The following FBXL4 variants were observed in gnomAD, a reference collection of about 807,000 sequenced individuals.
FBXL4 encodes F-box and leucine rich repeat protein 4.
In FBXL4, 40 loss-of-function variants were observed where a neutral mutation model predicts 58.9. The ratio of observed to expected loss-of-function variants is 0.68; its 90% CI spans 0.53 to 0.88. The LOEUF (loss-of-function observed/expected upper bound fraction) is 0.88, where lower values mean the gene tolerates loss of function less well. Among genes scored for constraint, FBXL4 ranks in the 40% least tolerant of loss-of-function variants. The pLI, the probability that FBXL4 is intolerant of heterozygous loss-of-function variation, is 0.00. For synonymous variants in FBXL4, 263 were observed against 265.5 expected, an observed-to-expected ratio of 0.99 and a Z score of 0.09; for missense variants, 676 against 734.4, an observed-to-expected ratio of 0.92 and a Z score of 0.92.
At chr6:98,909,059 C>T (rs13203526) in intron 5 of FBXL4, among the ~76,000 whole-genome samples, 7,530 of 152,204 alleles carry the variant, frequency 0.049, 257 homozygotes, top group Middle Eastern at 0.12. Context: ...TCATTGAATA[C>T]ACTGATTAAG....
chr6:98,916,355 GAC>G (rs1366472672), intron 5 of FBXL4, among the ~76,000 whole-genome samples: 2 of 152,178 alleles, frequency 1.3e-5, no homozygotes, highest in Non-Finnish European at 2.9e-5. Flanking sequence ...CTGCTAGAAA[GAC>G]ACATGCACAC....
At chr6:98,916,528 G>A (rs1326112715) in intron 5 of FBXL4, among the ~76,000 whole-genome samples, 1 of 152,032 alleles carries the variant, frequency 6.6e-6, no homozygotes, top group Non-Finnish European at 1.5e-5. Flanking sequence ...GGACATGGAT[G>A]AAATTGGAAA....
At chr6:98,937,549 G>A (rs185835796) in intron 1 of FBXL4, among the ~76,000 whole-genome samples, 69 of 152,242 alleles carry the variant, frequency 4.5e-4, no homozygotes, top group Non-Finnish European at 6.8e-4. Flanking sequence ...TGATCTTCAT[G>A]TTGAGTAGGC....
In FBXL4 at chr6:98,872,746, A is replaced by G. The variant is rs1770526559; in HGVS notation, c.*1532T>C. ...AGCCAGAAGCTACCCTGAACACCTA[A>G]AAGCACAGGTTTAATGCAATGCTTC... On this transcript the variant is annotated 3_prime_UTR_variant, in exon 10 of 10. Coordinates refer to ENST00000369244, the MANE Select transcript of FBXL4 (RefSeq NM_001278716.2). 6.6e-6 allele frequency: 1 copy of G among 152,184 alleles called. No individual in the cohort carries two copies. Among genetic ancestry groups the G allele is most frequent in the Non-Finnish European group, 1.5e-5 (1 of 68,036 alleles). 9.4% of individuals were successfully genotyped at this position (152,184 alleles called of 1,614,324 possible). A position where few individuals can be genotyped will look rare whatever the true frequency, so the allele number is the denominator to read the frequency against.
chr6:98,889,654 G>C (rs1047422253), intron 7 of FBXL4, among the ~76,000 whole-genome samples: 17 of 148,862 alleles, frequency 1.1e-4, no homozygotes, highest in African/African-American at 4.3e-4. Flanking sequence ...GCTCTAGCCT[G>C]GGTGACAGAG....
In FBXL4 at chr6:98,917,537, G is replaced by A; in HGVS notation, c.695C>T (p.Pro232Leu). 1.2e-6 allele frequency: 2 copies of A among 1,613,986 alleles called. No homozygotes were observed. The highest frequency in any genetic ancestry group is 1.7e-6 in the Non-Finnish European group (2 of 1,179,918). The change falls in exon 5 of 10, where the codon CCA becomes CTA. Residue 232 changes from proline to leucine, a missense_variant. Pro to Leu is a moderately conservative substitution (Grantham distance 98, BLOSUM62 -3). Coordinates refer to ENST00000369244, the MANE Select transcript of FBXL4 (RefSeq NM_001278716.2). ...AAGTGAAGTCTTGAGAGAAAGCACT[G>A]GCTTGTCCTTCACACCATGTAGCAC... ...AVVLHGVKDK[P>L]VLSLKTSLID...
intron 4 of FBXL4, among the ~76,000 whole-genome samples, chr6:98,925,394 T>A (rs1772740246): frequency 6.6e-6 from 1 of 152,016 alleles, no homozygotes; most frequent in African/African-American, 2.4e-5. Context: ...TAACTAAGAA[T>A]AAATTGTTAA....
intron 8 of FBXL4, 139 bp downstream of exon 8, chr6:98,880,414 A>G (rs1770810049): frequency 1.5e-6 from 1 of 646,066 alleles, no homozygotes; most frequent in Non-Finnish European, 2.7e-6. Context: ...AATGTTTGAA[A>G]GCAAGGGACA....
rs537669736 is a variant in FBXL4, at chr6:98,870,400, T to G, written c.*3878A>C. The G allele has an allele frequency of 3.3e-5, 5 of 152,316 alleles. No homozygotes were observed. The highest frequency in any genetic ancestry group is 7.3e-5 in the Non-Finnish European group (5 of 68,030). 9.4% of individuals were successfully genotyped at this position (152,316 alleles called of 1,614,324 possible). On this transcript the variant is annotated 3_prime_UTR_variant, in exon 10 of 10. Coordinates refer to ENST00000369244, the MANE Select transcript of FBXL4 (RefSeq NM_001278716.2). ...CATCAAAATTATGTAAAATTCAACT[T>G]TCAGTGCTCATGAAATTTTATTGGA...
intron 4 of FBXL4, among the ~76,000 whole-genome samples, chr6:98,918,249 C>T (rs534545715): frequency 9.7e-4 from 147 of 152,092 alleles, no homozygotes; most frequent in African/African-American, 3.4e-3. Context: ...TTGTATATGC[C>T]CTTCTCCTGA....
At chr6:98,899,590 A>G in intron 6 of FBXL4, 109 bp from the exon 7 acceptor site, 2 of 1,250,336 alleles carry the variant, frequency 1.6e-6, no homozygotes, top group Non-Finnish European at 2.2e-6. Context: ...ATAGATTTCT[A>G]TTAGGGAAAA....
intron 1 of FBXL4, among the ~76,000 whole-genome samples, chr6:98,941,240 A>G (rs542003067): frequency 2.6e-5 from 4 of 151,998 alleles, no homozygotes; most frequent in Non-Finnish European, 5.9e-5. Flanking sequence ...AAAAAAAAAG[A>G]AAGAACCACC....
intron 8 of FBXL4, among the ~76,000 whole-genome samples, chr6:98,879,649 G>A (rs541284478): frequency 3.9e-5 from 6 of 152,120 alleles, no homozygotes; most frequent in South Asian, 2.1e-4. Flanking sequence ...TTGGGAGGCC[G>A]AGGCGGGCGG....
At chr6:98,945,574 T>G (rs181883672) in intron 1 of FBXL4, among the ~76,000 whole-genome samples, 1 of 152,220 alleles carries the variant, frequency 6.6e-6, no homozygotes, top group East Asian at 1.9e-4. Flanking sequence ...ATGCATACAT[T>G]TATTTCATGG....
intron 7 of FBXL4, among the ~76,000 whole-genome samples, chr6:98,882,675 T>C (rs1770894868): frequency 6.6e-6 from 1 of 152,018 alleles, no homozygotes; most frequent in African/African-American, 2.4e-5. Flanking sequence ...TATCCCTCCA[T>C]CCATTCACGT....
At chr6:98,887,697 A>G (rs970578626) in intron 7 of FBXL4, among the ~76,000 whole-genome samples, 4 of 152,242 alleles carry the variant, frequency 2.6e-5, no homozygotes, top group African/African-American at 9.6e-5. Flanking sequence ...TCTTTGCTGA[A>G]TAAGAGACGT....
At chr6:98,915,417 C>G (rs1472597240) in intron 5 of FBXL4, among the ~76,000 whole-genome samples, 1 of 152,104 alleles carries the variant, frequency 6.6e-6, no homozygotes, top group Non-Finnish European at 1.5e-5. Context: ...TGACTTCAAA[C>G]TATACTACAA....
chr6:98,938,775 T>G (rs1205182637), intron 1 of FBXL4, among the ~76,000 whole-genome samples: 1 of 151,940 alleles, frequency 6.6e-6, no homozygotes, highest in Non-Finnish European at 1.5e-5. Context: ...AATAGGGCAC[T>G]TTGTCTGCAT....
chr6:98,926,249 C>T (rs1045367803), intron 4 of FBXL4, among the ~76,000 whole-genome samples: 1 of 152,052 alleles, frequency 6.6e-6, no homozygotes, highest in Admixed American at 6.6e-5. Context: ...TTATGAGATA[C>T]AAATATCATA....
Sources: gnomAD v4.1 joint callset for allele counts (sites outside exome capture counted in the v4.1 genomes callset) on GRCh38, gnomAD v4.1.1 for gene constraint, MANE v1.5 for transcripts, NCBI Gene and HGNC (gene_info 2026-07-23, HGNC 2026-07-21) for gene names.